The following LRRTM4 variants were observed in gnomAD, a reference collection of about 807,000 sequenced individuals.
LRRTM4 encodes the protein leucine rich repeat transmembrane neuronal 4.
A neutral mutation model predicts 47.6 loss-of-function variants in LRRTM4; 25 were observed. The ratio of observed to expected loss-of-function variants is 0.53; its 90% CI spans 0.38 to 0.73. The LOEUF (loss-of-function observed/expected upper bound fraction) is 0.73, where lower values mean the gene tolerates loss of function less well. LRRTM4 is among the 30% of genes least tolerant of loss of function. The probability of loss-of-function intolerance (pLI) is 0.00; values close to 1 mark genes in which losing one functional copy is unlikely to be tolerated. For synonymous variants in LRRTM4, 311 were observed against 269.5 expected, an observed-to-expected ratio of 1.15 and a Z score of -1.51; for missense variants, 638 against 713.4, an observed-to-expected ratio of 0.89 and a Z score of 1.20.
At chr2:77,122,278 A>G (rs190704896) in intron 3 of LRRTM4, among the ~76,000 whole-genome samples, 1 of 151,654 alleles carries the variant, frequency 6.6e-6, no homozygotes, top group Non-Finnish European at 1.5e-5. Flanking sequence ...CATCAAGTAC[A>G]TTAAGAATAT....
intron 3 of LRRTM4, among the ~76,000 whole-genome samples, chr2:76,781,836 TA>T (rs547472035): frequency 1.2e-3 from 178 of 152,352 alleles, no homozygotes; most frequent in Middle Eastern, 3.4e-3. Flanking sequence ...TTATCTGCAT[TA>T]AAAATCTATT....
intron 3 of LRRTM4, among the ~76,000 whole-genome samples, chr2:76,857,537 C>A (rs1442738754): frequency 6.6e-6 from 1 of 151,758 alleles, no homozygotes; most frequent in South Asian, 2.1e-4. Context: ...ACAACACTAA[C>A]CCCCTCATTG....
intron 3 of LRRTM4, among the ~76,000 whole-genome samples, chr2:77,114,231 G>A (rs1357008190): frequency 1.3e-5 from 2 of 152,094 alleles, no homozygotes; most frequent in African/African-American, 2.4e-5. Flanking sequence ...ATTCCCTGTA[G>A]GGACCAGTTC....
chr2:76,849,646 C>A (rs1407414210), intron 3 of LRRTM4, among the ~76,000 whole-genome samples: 2 of 152,038 alleles, frequency 1.3e-5, no homozygotes, highest in African/African-American at 4.8e-5. Context: ...CTGTCTCTAT[C>A]AAATTCTTCC....
chr2:76,781,642 G>C (rs1674399795), intron 3 of LRRTM4, among the ~76,000 whole-genome samples: 1 of 152,208 alleles, frequency 6.6e-6, no homozygotes, highest in South Asian at 2.1e-4. Context: ...CCACTGACCT[G>C]CGCCCACTGT....
intron 3 of LRRTM4, among the ~76,000 whole-genome samples, chr2:77,129,575 T>A (rs1200110869): frequency 3.3e-5 from 5 of 152,208 alleles, no homozygotes; most frequent in Admixed American, 3.3e-4. Flanking sequence ...ATTGTTTATA[T>A]CAGTAAATGC....
intron 3 of LRRTM4, among the ~76,000 whole-genome samples, chr2:77,048,745 C>T (rs1291989429): frequency 1.3e-5 from 2 of 151,956 alleles, no homozygotes; most frequent in Middle Eastern, 3.4e-3. Flanking sequence ...TATCTATCAT[C>T]TCATTTATTG....
intron 3 of LRRTM4, among the ~76,000 whole-genome samples, chr2:77,432,205 A>T (rs1289213890): frequency 6.6e-6 from 1 of 152,222 alleles, no homozygotes; most frequent in African/African-American, 2.4e-5. Context: ...TTCAGGATAC[A>T]CTGGGTTGGG....
intron 3 of LRRTM4, among the ~76,000 whole-genome samples, chr2:77,373,088 A>ATATATATATATAT (rs1553435845): frequency 2.1e-5 from 3 of 140,368 alleles, no homozygotes; most frequent in South Asian, 2.3e-4. Flanking sequence ...TTAAAAAAAA[A>ATATATATATATAT]ATATATATAT....
chr2:76,833,230 T>C (rs1671404982), intron 3 of LRRTM4, among the ~76,000 whole-genome samples: 1 of 151,954 alleles, frequency 6.6e-6, no homozygotes, highest in African/African-American at 2.4e-5. Flanking sequence ...GGGTGAAGAG[T>C]TTTATTTTAA....
intron 3 of LRRTM4, among the ~76,000 whole-genome samples, chr2:77,280,791 T>C (rs1676488843): frequency 6.6e-6 from 1 of 152,062 alleles, no homozygotes; most frequent in Admixed American, 6.6e-5. Flanking sequence ...TAATTCTAAA[T>C]AAATACTTAT....
chr2:76,940,332 T>C, intron 3 of LRRTM4, among the ~76,000 whole-genome samples: 1 of 152,186 alleles, frequency 6.6e-6, no homozygotes, highest in African/African-American at 2.4e-5. Context: ...TCATGTCATT[T>C]GCAGGAACAT....
rs190658141 is a variant in LRRTM4 at position 77,502,597 on chromosome 2, C to A, written c.1551+15721G>T. On this transcript the variant is annotated intron_variant, in intron 3 of 3. Transcript: ENST00000409884. ...ATTCTTTCAGTAAGTATTTATTGAG[C>A]TTTTATTGTATACAAGACATGGAGT... 4.6e-5 allele frequency among the ~76,000 whole-genome samples: 7 copies of A among 151,586 alleles called. 1 individual carries two copies. The highest frequency in any genetic ancestry group is 2.1e-4 in the South Asian group (1 of 4,814).
At chr2:76,978,549 G>A (rs935966303) in intron 3 of LRRTM4, among the ~76,000 whole-genome samples, 1 of 151,998 alleles carries the variant, frequency 6.6e-6, no homozygotes, top group Non-Finnish European at 1.5e-5. Flanking sequence ...GAGAGACATG[G>A]AATAAAAATG....
At chr2:77,222,862 T>C (rs1047802438) in intron 3 of LRRTM4, among the ~76,000 whole-genome samples, 2 of 152,058 alleles carry the variant, frequency 1.3e-5, no homozygotes, top group African/African-American at 4.8e-5. Flanking sequence ...TTTTATGAGG[T>C]CAGCATCATC....
chr2:77,469,994 A>G (rs1677124941), intron 3 of LRRTM4, among the ~76,000 whole-genome samples: 1 of 152,128 alleles, frequency 6.6e-6, no homozygotes, highest in Admixed American at 6.6e-5. Context: ...TATTTCTGGA[A>G]AGGTAATATT....
At chr2:77,352,905 G>T (rs1187997194) in intron 3 of LRRTM4, among the ~76,000 whole-genome samples, 1 of 151,882 alleles carries the variant, frequency 6.6e-6, no homozygotes, top group Non-Finnish European at 1.5e-5. Context: ...ATCAAAACAA[G>T]TAGATATAAT....
chr2:77,222,234 A>C (rs1674657713), intron 3 of LRRTM4, among the ~76,000 whole-genome samples: 1 of 152,224 alleles, frequency 6.6e-6, no homozygotes, highest in African/African-American at 2.4e-5. Flanking sequence ...TATAGCACCG[A>C]ATGCCCACAA....
At chr2:77,243,414 AT>A (rs747278958) in intron 3 of LRRTM4, among the ~76,000 whole-genome samples, 58,077 of 125,302 alleles carry the variant, frequency 0.46, 14,484 homozygotes, top group Non-Finnish European at 0.51. Context: ...CCGTCTCAAA[AT>A]AAAAAAAAAT....
Sources: gnomAD v4.1 joint callset for allele counts (sites outside exome capture counted in the v4.1 genomes callset) on GRCh38, gnomAD v4.1.1 for gene constraint, MANE v1.5 for transcripts, NCBI Gene and HGNC (gene_info 2026-07-23, HGNC 2026-07-21) for gene names.